Variants in NASP observed in about 807,000 individuals in gnomAD.
NASP encodes the protein nuclear autoantigenic sperm protein.
Under a neutral mutation model 89.5 loss-of-function variants are expected in NASP, and 24 were observed. The observed-to-expected ratio is 0.27, with a 90% CI of 0.19 to 0.38. The LOEUF is 0.38. NASP is among the 10% of genes least tolerant of loss of function. The probability of loss-of-function intolerance (pLI) is 1.00; values close to 1 mark genes in which losing one functional copy is unlikely to be tolerated. For missense variants in NASP, 848 were observed against 921.4 expected (o/e 0.92, Z 1.03); for synonymous variants, 306 against 324.7 (o/e 0.94, Z 0.62).
chr1:45,586,281 TGTGGTGTGTGTGTGTGTGTGTGTGTGTG>T (rs1458761993), intron 1 of NASP, among the ~76,000 whole-genome samples: 40 of 36,628 alleles, frequency 1.1e-3, no homozygotes, highest in African/African-American at 3.7e-3. Context: ...TGTGTGTGTG[TGTGGTGTGTGTGTGTGTGTGTGTGTGTG>T]GTGTGTGTGT....
At chr1:45,587,668 A>G (rs1299882055) in intron 1 of NASP, among the ~76,000 whole-genome samples, 6 of 59,256 alleles carry the variant, frequency 1.0e-4, no homozygotes, top group African/African-American at 4.1e-4. Flanking sequence ...TTTCATATAT[A>G]TATATATATA....
chr1:45,617,333 A>G (rs1569625415), intron 13 of NASP, 130 bp from the exon 14 acceptor site: 2 of 1,072,526 alleles, frequency 1.9e-6, no homozygotes, highest in Non-Finnish European at 2.7e-6. Context: ...GTGGCTAGGG[A>G]GAGAGACCCT....
intron 13 of NASP, 57 bp downstream of exon 13, chr1:45,616,760 C>A (rs1644113229): frequency 2.0e-6 from 3 of 1,477,722 alleles, no homozygotes; most frequent in Non-Finnish European, 2.8e-6. Flanking sequence ...ATTTTTAATC[C>A]CTTTCCTATA....
At chr1:45,596,344 A>G (rs1027644466) in intron 2 of NASP, among the ~76,000 whole-genome samples, 1 of 152,116 alleles carries the variant, frequency 6.6e-6, no homozygotes, top group African/African-American at 2.4e-5. Context: ...ATCTGAAACT[A>G]TTACCCAGTA....
intron 6 of NASP, chr1:45,610,714 C>T (rs989131155): frequency 1.3e-5 from 2 of 152,356 alleles, no homozygotes; most frequent in African/African-American, 4.8e-5. Flanking sequence ...ATCTTCCTCC[C>T]TCAGTCTCTC....
At chr1:45,596,732 C>T (rs1166369528) in intron 2 of NASP, among the ~76,000 whole-genome samples, 1 of 152,196 alleles carries the variant, frequency 6.6e-6, no homozygotes, top group Non-Finnish European at 1.5e-5. Context: ...GTGGCTCACG[C>T]CTGCATCCCA....
chr1:45,607,665 G>A lies in NASP; in HGVS notation c.754G>A (p.Glu252Lys), dbSNP rs1445950141. Residue 252 changes from glutamate (E) to lysine (K), a missense_variant, in exon 6 of 15, where the codon GAA (glutamate) becomes AAA (lysine). Glu to Lys is a moderately conservative substitution (Grantham distance 56). Coordinates refer to ENST00000350030, the MANE Select transcript of NASP (RefSeq NM_002482.4). ...ATCAGTTTCTGGAACTGATGTCCAA[G>A]AAGAGTGCAGAGAAAAAGGAGGTCA... ...EKSVSGTDVQ[E>K]ECREKGGQEK... 3.1e-6 allele frequency: 5 copies of A among 1,614,228 alleles called. No homozygotes were observed. Among genetic ancestry groups the A allele is most frequent in the Non-Finnish European group, 4.2e-6 (5 of 1,180,048 alleles).
At chr1:45,599,397 A>G (rs1477407405) in intron 2 of NASP, among the ~76,000 whole-genome samples, 1 of 150,464 alleles carries the variant, frequency 6.6e-6, no homozygotes, top group Non-Finnish European at 1.5e-5. Context: ...ATGAGCCACC[A>G]TGCTCAGCCT....
chr1:45,593,235 TG>T (rs1422473413), intron 2 of NASP, among the ~76,000 whole-genome samples: 2 of 152,142 alleles, frequency 1.3e-5, no homozygotes, highest in East Asian at 3.9e-4. Context: ...ATATTAGTTG[TG>T]TTTAGAAATA....
intron 6 of NASP, chr1:45,610,114 G>C (rs187302992): frequency 6.6e-6 from 1 of 152,110 alleles, no homozygotes; most frequent in African/African-American, 2.4e-5. Flanking sequence ...CAGAAGAATC[G>C]CTTGAACCCG....
intron 6 of NASP, chr1:45,610,473 A>G (rs1643988097): frequency 6.6e-6 from 1 of 152,236 alleles, no homozygotes; most frequent in Non-Finnish European, 1.5e-5. Context: ...TTTACGTGGC[A>G]GCACCATTCT....
chr1:45,592,095 C>T (rs1643564463), intron 2 of NASP, among the ~76,000 whole-genome samples: 1 of 152,122 alleles, frequency 6.6e-6, no homozygotes. Flanking sequence ...TCAAGCAATT[C>T]TGCCTCAGTC....
intron 1 of NASP, chr1:45,588,569 T>A: frequency 2.3e-6 from 1 of 437,922 alleles, no homozygotes. Flanking sequence ...TGTATGGGAG[T>A]ACAATTTCTC....
chr1:45,607,215 G>C lies in NASP; in HGVS notation c.410-106G>C, dbSNP rs193229931. 6.8e-4 allele frequency: 804 copies of C among 1,186,222 alleles called. 15 individuals are homozygous for C. In the East Asian group the frequency reaches 0.016, roughly 23 times the overall value. The allele number at this position is 1,186,222 out of a possible 1,614,324, so 73.5% of individuals were successfully genotyped here. On this transcript the variant is annotated intron_variant, in intron 5 of 14. Coordinates refer to ENST00000350030, the MANE Select transcript of NASP (RefSeq NM_002482.4). ...ATTTTTAGGCCATCTGCTGAAACTT[G>C]GTAGGCTTTTTGAGGGTTTAAAGGG...
At chr1:45,605,725 G>A (rs1570981755) in intron 4 of NASP, 1 of 150,550 alleles carries the variant, frequency 6.6e-6, no homozygotes, top group Non-Finnish European at 1.5e-5. Flanking sequence ...GCCTCCCAAA[G>A]TGCTGGGATT....
At chr1:45,603,038 A>G (rs915049301) in intron 3 of NASP, among the ~76,000 whole-genome samples, 1 of 152,150 alleles carries the variant, frequency 6.6e-6, no homozygotes, top group Non-Finnish European at 1.5e-5. Context: ...TTTTTCATAC[A>G]TTTTTAGCAC....
intron 6 of NASP, among the ~76,000 whole-genome samples, chr1:45,608,828 C>T (rs1370409894): frequency 6.6e-6 from 1 of 152,216 alleles, no homozygotes; most frequent in Non-Finnish European, 1.5e-5. Context: ...TACACTGAAG[C>T]AGGCATGCCA....
intron 2 of NASP, among the ~76,000 whole-genome samples, chr1:45,594,185 C>T (rs543929569): frequency 2.0e-5 from 3 of 151,878 alleles, no homozygotes; most frequent in South Asian, 4.2e-4. Context: ...AAAAATTAGC[C>T]GGTCGTGGTG....
chr1:45,599,973 T>C (rs1643799782), intron 2 of NASP, among the ~76,000 whole-genome samples: 1 of 149,848 alleles, frequency 6.7e-6, no homozygotes, highest in Non-Finnish European at 1.5e-5. Flanking sequence ...TTTTTTTTTT[T>C]TTGGCTTGCC....
Sources: gnomAD v4.1 joint callset for allele counts (sites outside exome capture counted in the v4.1 genomes callset) on GRCh38, gnomAD v4.1.1 for gene constraint, MANE v1.5 for transcripts, NCBI Gene and HGNC (gene_info 2026-07-23, HGNC 2026-07-21) for gene names.